Variants in SAMD3 observed in about 807,000 individuals in gnomAD.
SAMD3 encodes the protein sterile alpha motif domain containing 3.
SAMD3 carries 63 observed loss-of-function variants against 58.5 expected under a neutral mutation model. The observed-to-expected ratio is 1.08, with a 90% CI of 0.88 to 1.33. The LOEUF (loss-of-function observed/expected upper bound fraction) is 1.33. Among genes scored for constraint, SAMD3 ranks in the 40% most tolerant of loss-of-function variants. The pLI, the probability that SAMD3 is intolerant of heterozygous loss-of-function variation, is 0.00. For missense variants in SAMD3, 604 were observed against 608.4 expected, an observed-to-expected ratio of 0.99 and a Z score of 0.08; for synonymous variants, 220 against 210.3, an observed-to-expected ratio of 1.05 and a Z score of -0.40.
chr6:130,282,386 A>C (rs1244716831), intron 2 of SAMD3, among the ~76,000 whole-genome samples: 1 of 152,204 alleles, frequency 6.6e-6, no homozygotes, highest in East Asian at 1.9e-4. Flanking sequence ...GGCAAGTATA[A>C]ATGCATAGTT....
intron 2 of SAMD3, among the ~76,000 whole-genome samples, chr6:130,306,330 G>T (rs961150714): frequency 6.6e-6 from 1 of 152,190 alleles, no homozygotes; most frequent in Admixed American, 6.5e-5. Flanking sequence ...AAAGTTGTTA[G>T]GAGAGTTAGA....
chr6:130,180,287 ATTTTTTTTTTT>A (rs56155412), intron 7 of SAMD3, among the ~76,000 whole-genome samples: 1 of 69,418 alleles, frequency 1.4e-5, no homozygotes. Context: ...TACCTGGCTA[ATTTTTTTTTTT>A]TTTTTTTTTT....
chr6:130,314,604 A>G (rs1451016334), intron 1 of SAMD3, among the ~76,000 whole-genome samples: 2 of 152,204 alleles, frequency 1.3e-5, no homozygotes, highest in Admixed American at 6.5e-5. Context: ...ACTTTAAGGG[A>G]TCAGGTGGGA....
At chr6:130,280,323 T>C (rs1486065256) in intron 2 of SAMD3, among the ~76,000 whole-genome samples, 1 of 152,224 alleles carries the variant, frequency 6.6e-6, no homozygotes, top group Admixed American at 6.5e-5. Context: ...CCCTTGATAA[T>C]GGCATGTAAT....
chr6:130,313,914 A>T (rs1776271427), intron 1 of SAMD3, among the ~76,000 whole-genome samples: 1 of 151,972 alleles, frequency 6.6e-6, no homozygotes, highest in East Asian at 1.9e-4. Context: ...TGCTTTCTTG[A>T]CTCTAAAGTT....
At chr6:130,291,534 C>A (rs1389922149) in intron 2 of SAMD3, among the ~76,000 whole-genome samples, 1 of 152,210 alleles carries the variant, frequency 6.6e-6, no homozygotes, top group Non-Finnish European at 1.5e-5. Flanking sequence ...TGGGTGGTAT[C>A]TTGGTGCTGG....
Position 130,238,948 on chromosome 6 carries a change from G to T in SAMD3, c.-187-16135C>A, listed in dbSNP as rs562528569. 4.6e-5 allele frequency among the ~76,000 whole-genome samples: 7 copies of T among 152,168 alleles called. No homozygotes were observed. In the South Asian group the frequency reaches 1.5e-3, roughly 32 times the overall value. On this transcript the variant is annotated intron_variant, in intron 2 of 13. Coordinates refer to the SAMD3 transcript ENST00000368134. ...TAATTTTTTTATTTTTAGTAGAGAC[G>T]GGGTTTCACTATGTTGGCTAGGCTG...
At chr6:130,167,069 A>G (rs1220691423) in intron 8 of SAMD3, among the ~76,000 whole-genome samples, 1 of 152,168 alleles carries the variant, frequency 6.6e-6, no homozygotes, top group Non-Finnish European at 1.5e-5. Flanking sequence ...CTGTGGCGCA[A>G]TTTATAGTGG....
At chr6:130,243,399 C>T (rs1773431718) in intron 2 of SAMD3, among the ~76,000 whole-genome samples, 1 of 152,072 alleles carries the variant, frequency 6.6e-6, no homozygotes, top group South Asian at 2.1e-4. Context: ...TGGCTCACCA[C>T]CCCTTTGCTA....
intron 8 of SAMD3, among the ~76,000 whole-genome samples, chr6:130,166,716 T>C (rs1562387141): frequency 6.6e-6 from 1 of 152,092 alleles, no homozygotes; most frequent in Non-Finnish European, 1.5e-5. Context: ...AAACAGGCAA[T>C]GGATCTAAAG....
At chr6:130,313,555 A>T (rs2037020) in intron 1 of SAMD3, among the ~76,000 whole-genome samples, 73,827 of 152,106 alleles carry the variant, frequency 0.49, 21,916 homozygotes, top group African/African-American at 0.84. Context: ...TGAGACTCAC[A>T]ATTCAGTTGG....
At chr6:130,231,617 C>A (rs941690397) in intron 2 of SAMD3, among the ~76,000 whole-genome samples, 3 of 151,990 alleles carry the variant, frequency 2.0e-5, no homozygotes, top group Admixed American at 2.0e-4. Flanking sequence ...TTTCAATTTG[C>A]AGAAGTATAA....
At chr6:130,276,961 A>C (rs1774797099) in intron 2 of SAMD3, among the ~76,000 whole-genome samples, 1 of 152,178 alleles carries the variant, frequency 6.6e-6, no homozygotes, top group African/African-American at 2.4e-5. Flanking sequence ...GCACAGGTCC[A>C]AGTAGAGCCA....
chr6:130,272,398 C>G (rs1774596984), intron 2 of SAMD3, among the ~76,000 whole-genome samples: 1 of 152,144 alleles, frequency 6.6e-6, no homozygotes, highest in Non-Finnish European at 1.5e-5. Context: ...CAGTCAGTAT[C>G]TAACTTATTT....
upstream of SAMD3, chr6:130,365,694 T>G (rs1778118486): frequency 1.0e-6 from 1 of 985,346 alleles, no homozygotes; most frequent in Non-Finnish European, 1.2e-6. Flanking sequence ...ACGCCAGCCT[T>G]CCAGCCCGGG....
chr6:130,314,401 T>C (rs1776289109), intron 1 of SAMD3, among the ~76,000 whole-genome samples: 1 of 152,224 alleles, frequency 6.6e-6, no homozygotes, highest in African/African-American at 2.4e-5. Flanking sequence ...ACACCTATGT[T>C]GGGTTATGAT....
intron 2 of SAMD3, among the ~76,000 whole-genome samples, chr6:130,253,347 A>T (rs1338108041): frequency 6.6e-6 from 1 of 152,202 alleles, no homozygotes; most frequent in Non-Finnish European, 1.5e-5. Flanking sequence ...GTCCTTGTTT[A>T]GTTGGAACCA....
chr6:130,212,488 T>G (rs779801267), intron 4 of SAMD3, among the ~76,000 whole-genome samples: 4 of 152,236 alleles, frequency 2.6e-5, no homozygotes, highest in Non-Finnish European at 5.9e-5. Flanking sequence ...CACAGGACTA[T>G]TTCAGTCTAG....
At chr6:130,336,484 T>C (rs1583124663) in intron 1 of SAMD3, among the ~76,000 whole-genome samples, 1 of 152,308 alleles carries the variant, frequency 6.6e-6, no homozygotes, top group Middle Eastern at 3.4e-3. Flanking sequence ...CCTAGGTGAG[T>C]GGAAGTAACA....
Sources: allele counts gnomAD v4.1 joint callset (sites outside exome capture counted in the v4.1 genomes callset), GRCh38; gene constraint gnomAD v4.1.1; transcripts MANE v1.5; gene names NCBI Gene and HGNC (gene_info 2026-07-23, HGNC 2026-07-21).